GALNTL6: variants seen among roughly 807,000 people sequenced by gnomAD.
GALNTL6 encodes the protein polypeptide N-acetylgalactosaminyltransferase-like 6.
GALNTL6 carries 46 observed loss-of-function variants against 73.7 expected under a neutral mutation model. The observed-to-expected ratio is 0.62, with a 90% CI of 0.49 to 0.80. The LOEUF (loss-of-function observed/expected upper bound fraction) is 0.80. Among genes scored for constraint, GALNTL6 ranks in the 30% least tolerant of loss-of-function variants. The pLI, the probability that GALNTL6 is intolerant of heterozygous loss-of-function variation, is 0.00. For synonymous variants in GALNTL6, 259 were observed against 263.7 expected, an observed-to-expected ratio of 0.98 and a Z score of 0.17; for missense variants, 604 against 755.0, an observed-to-expected ratio of 0.80 and a Z score of 2.34.
At chr4:172,707,462 C>G (rs894821255) in intron 5 of GALNTL6, among the ~76,000 whole-genome samples, 1 of 152,150 alleles carries the variant, frequency 6.6e-6, no homozygotes, top group African/African-American at 2.4e-5. Context: ...TAAATCTTAT[C>G]CAGCACACTT....
intron 8 of GALNTL6, among the ~76,000 whole-genome samples, chr4:172,922,099 G>A (rs893308845): frequency 6.6e-6 from 1 of 152,120 alleles, no homozygotes; most frequent in Non-Finnish European, 1.5e-5. Flanking sequence ...CATGAGATCT[G>A]ATGGGTTTAT....
rs1736406772 is a variant in GALNTL6, at chr4:172,213,800, TAAAG to T, written c.139-15854_139-15851del. On this transcript the variant is annotated intron_variant, in intron 2 of 12. Transcript: ENST00000506823. Reference sequence around the variant, plus strand: ...GCAAAGCAGAAGTTTTTAATTTAAATAAAGACTTACATAGCAATATTTTCTTTTA... The same window carrying T: ...GCAAAGCAGAAGTTTTTAATTTAAATACTTACATAGCAATATTTTCTTTTA... Among the ~76,000 whole-genome samples the T allele has an allele frequency of 2.0e-5, 3 of 152,276 alleles. No homozygotes were observed. The South Asian group carries it at 6.2e-4, about 32-fold the overall frequency.
intron 2 of GALNTL6, among the ~76,000 whole-genome samples, chr4:172,197,576 G>A (rs1393470626): frequency 1.3e-5 from 2 of 152,008 alleles, no homozygotes; most frequent in African/African-American, 4.8e-5. Context: ...GCATGGTACT[G>A]GTACAAAAAT....
intron 5 of GALNTL6, among the ~76,000 whole-genome samples, chr4:172,741,828 T>C (rs968635098): frequency 1.7e-4 from 26 of 151,988 alleles, no homozygotes; most frequent in African/African-American, 6.0e-4. Context: ...TCCAACATCA[T>C]AGTCATCTTT....
intron 2 of GALNTL6, among the ~76,000 whole-genome samples, chr4:171,923,973 G>A (rs1737890032): frequency 6.6e-6 from 1 of 151,944 alleles, no homozygotes; most frequent in African/African-American, 2.4e-5. Flanking sequence ...ACTTGAAGAA[G>A]TTTATTTAAC....
At chr4:172,236,886 T>C (rs1737263201) in intron 3 of GALNTL6, among the ~76,000 whole-genome samples, 1 of 152,166 alleles carries the variant, frequency 6.6e-6, no homozygotes, top group Non-Finnish European at 1.5e-5. Flanking sequence ...CATCCTCATG[T>C]AGGTCTTAGT....
chr4:172,061,280 T>A (rs1731192111), intron 2 of GALNTL6, among the ~76,000 whole-genome samples: 1 of 152,106 alleles, frequency 6.6e-6, no homozygotes, highest in South Asian at 2.1e-4. Context: ...TAAAAATACA[T>A]TTGTTTAAAA....
At chr4:172,371,690 T>C (rs992129976) in intron 5 of GALNTL6, among the ~76,000 whole-genome samples, 3 of 152,130 alleles carry the variant, frequency 2.0e-5, no homozygotes, top group African/African-American at 7.2e-5. Context: ...TCTTCCTCTC[T>C]CTCTCTCTCT....
chr4:172,824,727 G>C (rs1182698691), intron 7 of GALNTL6, among the ~76,000 whole-genome samples: 1 of 152,058 alleles, frequency 6.6e-6, no homozygotes, highest in Non-Finnish European at 1.5e-5. Context: ...AGGTGAGAAG[G>C]CTTCAGAAAT....
intron 12 of GALNTL6, among the ~76,000 whole-genome samples, chr4:173,025,754 CCTTAGAGTTATTCAGG>C (rs1222609951): frequency 1.3e-5 from 2 of 152,158 alleles, no homozygotes; most frequent in Non-Finnish European, 2.9e-5. Flanking sequence ...GACCATCAGC[CCTTAGAGTTATTCAGG>C]CTTAATACAC....
chr4:172,562,065 G>A (rs1736393442), intron 5 of GALNTL6, among the ~76,000 whole-genome samples: 1 of 152,038 alleles, frequency 6.6e-6, no homozygotes, highest in Non-Finnish European at 1.5e-5. Context: ...CATAGGGTGG[G>A]TATGATGATC....
intron 5 of GALNTL6, among the ~76,000 whole-genome samples, chr4:172,536,773 G>C (rs1735360631): frequency 6.6e-6 from 1 of 152,162 alleles, no homozygotes; most frequent in Non-Finnish European, 1.5e-5. Context: ...CTGATGATGT[G>C]ATAGAAAAGA....
intron 5 of GALNTL6, among the ~76,000 whole-genome samples, chr4:172,479,870 T>C (rs1466766): frequency 0.63 from 96,341 of 152,088 alleles, 31,409 homozygotes; most frequent in South Asian, 0.82. Flanking sequence ...TCAAGCTCCA[T>C]AGAGTTTGAT....
At chr4:172,023,570 T>C (rs1214190062) in intron 2 of GALNTL6, among the ~76,000 whole-genome samples, 3 of 151,916 alleles carry the variant, frequency 2.0e-5, no homozygotes, top group Non-Finnish European at 2.9e-5. Context: ...GCTTTACTCT[T>C]CAGGTGACTT....
At chr4:171,843,403 GTTCATCCA>G (rs1270214811) in intron 2 of GALNTL6, among the ~76,000 whole-genome samples, 2 of 151,740 alleles carry the variant, frequency 1.3e-5, no homozygotes, top group Non-Finnish European at 2.9e-5. Flanking sequence ...TGCCAAGATT[GTTCATCCA>G]TAAAAGATTA....
At chr4:173,006,087 T>A (rs1372010903) in intron 10 of GALNTL6, among the ~76,000 whole-genome samples, 1 of 152,104 alleles carries the variant, frequency 6.6e-6, no homozygotes, top group Non-Finnish European at 1.5e-5. Context: ...CCCCACATCC[T>A]CCTTTTCCAG....
Position 172,062,684 on chromosome 4 carries a change from C to T in GALNTL6, c.139-166972C>T, listed in dbSNP as rs190606681. ...ATGTCACATTTTAAAAAATGCAATT[C>T]TAAGATACAACCACATTTTTCATAT... On this transcript the variant is annotated intron_variant, in intron 2 of 12. Coordinates refer to ENST00000506823, the MANE Select transcript of GALNTL6 (RefSeq NM_001034845.3). Among the ~76,000 whole-genome samples, 4 of 152,336 alleles carry T rather than the reference C, an allele frequency of 2.6e-5. No individual in the cohort carries two copies. In the East Asian group the frequency reaches 5.8e-4, roughly 22 times the overall value.
At chr4:172,666,242 A>G (rs899737349) in intron 5 of GALNTL6, among the ~76,000 whole-genome samples, 2 of 152,174 alleles carry the variant, frequency 1.3e-5, no homozygotes, top group African/African-American at 4.8e-5. Context: ...GAACTAGTAC[A>G]TGGTGAATGG....
At chr4:171,839,908 T>G (rs545697913) in intron 2 of GALNTL6, among the ~76,000 whole-genome samples, 1 of 152,150 alleles carries the variant, frequency 6.6e-6, no homozygotes, top group Non-Finnish European at 1.5e-5. Context: ...ATCATTTAAA[T>G]GTATCATATC....
Sources: allele counts gnomAD v4.1 joint callset (sites outside exome capture counted in the v4.1 genomes callset), GRCh38; gene constraint gnomAD v4.1.1; transcripts MANE v1.5; gene names NCBI Gene and HGNC (gene_info 2026-07-23, HGNC 2026-07-21).